The following RPL28 variants were observed in gnomAD, a reference collection of about 807,000 sequenced individuals.
The protein encoded by RPL28 is ribosomal protein L28.
A neutral mutation model predicts 12.5 loss-of-function variants in RPL28; 4 were observed. That is an observed-to-expected ratio of 0.32 (90% confidence interval 0.16 to 0.73). The LOEUF (loss-of-function observed/expected upper bound fraction) is 0.73, where lower values mean the gene tolerates loss of function less well. RPL28 is among the 30% of genes least tolerant of loss of function. The pLI, the probability that RPL28 is intolerant of heterozygous loss-of-function variation, is 0.66. For missense variants in RPL28, 214 were observed against 197.7 expected, an observed-to-expected ratio of 1.08 and a Z score of -0.49; for synonymous variants, 91 against 72.5, an observed-to-expected ratio of 1.26 and a Z score of -1.30.
rs2089958279 is a variant in RPL28 at position 55,388,473 on chromosome 19, G to A, written c.*141G>A. 2.2e-6 allele frequency: 3 copies of A among 1,345,900 alleles called. No individual in the cohort carries two copies. In the South Asian group the frequency reaches 6.2e-5, roughly 28 times the overall value. The allele number at this position is 1,345,900 out of a possible 1,614,324, so 83.4% of individuals were successfully genotyped here. A position where few individuals can be genotyped will look rare whatever the true frequency, so the allele number is the denominator to read the frequency against. On this transcript the variant is annotated 3_prime_UTR_variant, in exon 5 of 5. Transcript: ENST00000344063. ...TCATCAAAACTCTGCATGTCACCTT[G>A]TCCATCTGGAGGTGATGTCAATGGC...
intron 4 of RPL28, among the ~76,000 whole-genome samples, chr19:55,398,723 A>G (rs1183795858): frequency 6.6e-6 from 1 of 151,760 alleles, no homozygotes; most frequent in Non-Finnish European, 1.5e-5. Context: ...GGGTGTTGAG[A>G]CAGAGTCTCA....
intron 4 of RPL28, among the ~76,000 whole-genome samples, chr19:55,401,939 C>A (rs978982966): frequency 3.3e-5 from 5 of 152,176 alleles, no homozygotes; most frequent in Non-Finnish European, 7.3e-5. Flanking sequence ...TCAGAGGCCA[C>A]CTTCATGTGA....
At position 55,391,906 on chromosome 19, in the gene RPL28, A is replaced by G. The variant is rs2089993646; in HGVS notation, c.*3574A>G. 1 of 1,323,456 alleles carries G rather than the reference A, an allele frequency of 7.6e-7. No homozygotes were observed. Among genetic ancestry groups the G allele is most frequent in the East Asian group, 2.9e-5 (1 of 34,286 alleles). 82.0% of individuals were successfully genotyped at this position (1,323,456 alleles called of 1,614,324 possible). Reference sequence around the variant, plus strand: ...ATGTGCAGTAATGCCTGGTGGCTCCAGGTCTGCCCCGCCGTCCTGTGGGGC... The same window carrying G: ...ATGTGCAGTAATGCCTGGTGGCTCCGGGTCTGCCCCGCCGTCCTGTGGGGC... On this transcript the variant is annotated 3_prime_UTR_variant, in exon 5 of 5. Coordinates refer to ENST00000344063, the MANE Select transcript of RPL28 (RefSeq NM_000991.5).
chr19:55,397,414 C>T (rs530114350), intron 4 of RPL28, among the ~76,000 whole-genome samples: 2 of 152,258 alleles, frequency 1.3e-5, no homozygotes, highest in South Asian at 4.1e-4. Context: ...GAGTCTCGCT[C>T]TGTCTCCCAG....
chr19:55,386,992 A>G, intron 3 of RPL28: 2 of 1,442,832 alleles, frequency 1.4e-6, no homozygotes, highest in Non-Finnish European at 1.8e-6. Context: ...TCTCAAAGCA[A>G]GTCAGGGTGG....
At chr19:55,386,107 C>T (rs1020103611) in intron 1 of RPL28, 142 bp downstream of exon 1, 4 of 519,334 alleles carry the variant, frequency 7.7e-6, no homozygotes, top group Non-Finnish European at 1.4e-5. Context: ...TGTGAATTTT[C>T]AAGTTATTTT....
Position 55,388,820 on chromosome 19 carries a change from G to C in RPL28, c.*488G>C, listed in dbSNP as rs1321847793. 1 of 988,552 alleles carries C rather than the reference G, an allele frequency of 1.0e-6. No individual in the cohort carries two copies. Among genetic ancestry groups the C allele is most frequent in the African/African-American group, 1.7e-5 (1 of 57,388 alleles). 61.2% of individuals were successfully genotyped at this position (988,552 alleles called of 1,614,324 possible). On this transcript the variant is annotated 3_prime_UTR_variant, in exon 5 of 5. Transcript: ENST00000344063. The stretch of plus-strand genomic sequence containing the variant: ...CTTTTGCATCCAGGGAGTGGGTGCA[G>C]CCACATTTGGAGGGGATGGGCTTTA...
In RPL28 at chr19:55,402,314, C is replaced by G. The variant is rs1209140731; in HGVS notation, c.325-629C>G. 2.0e-5 allele frequency among the ~76,000 whole-genome samples: 3 copies of G among 152,216 alleles called. No individual in the cohort carries two copies. In the East Asian group the frequency reaches 5.8e-4, roughly 29 times the overall value. On this transcript the variant is annotated intron_variant, in intron 4 of 4. Transcript: ENST00000560055. ...TGACCTCTGTCTTTTATCAGACATC[C>G]GAAGTTCACAGCCTAAGACTCTAGC...
intron 4 of RPL28, among the ~76,000 whole-genome samples, chr19:55,398,499 T>C (rs1299290533): frequency 6.6e-6 from 1 of 152,218 alleles, no homozygotes; most frequent in East Asian, 1.9e-4. Flanking sequence ...ATTGTTGTTT[T>C]TCTAGGAGTA....
At chr19:55,386,307 G>C (rs1361015815) in intron 1 of RPL28, 43 bp from the exon 2 acceptor site, 1 of 1,591,388 alleles carries the variant, frequency 6.3e-7, no homozygotes, top group African/African-American at 1.3e-5. Context: ...CGCTGCTTTA[G>C]TTCTCTGTGT....
In RPL28 at chr19:55,388,394, C is replaced by CT; in HGVS notation, c.*67dup. The CT allele has an allele frequency of 7.0e-7, 1 of 1,428,826 alleles. No individual in the cohort carries two copies. Among genetic ancestry groups the CT allele is most frequent in the East Asian group, 2.7e-5 (1 of 37,352 alleles). The allele number at this position is 1,428,826 out of a possible 1,614,324, so 88.5% of individuals were successfully genotyped here. ...TCTCACCTGCCTCGACTGGGCCTCCCTTTTTGAAACGCTCTGGGGAGCTCT... is the reference window on the plus strand; with the variant it reads ...TCTCACCTGCCTCGACTGGGCCTCCCTTTTTTGAAACGCTCTGGGGAGCTCT... On this transcript the variant is annotated 3_prime_UTR_variant, in exon 5 of 5. Transcript: ENST00000344063.
At chr19:55,396,477 T>TCC (rs112754863), downstream of RPL28, among the ~76,000 whole-genome samples, 2 of 12,878 alleles carry the variant, frequency 1.6e-4, no homozygotes, top group African/African-American at 4.9e-4. Flanking sequence ...AGGAAAGTTC[T>TCC]CCCCCCTCCC....
Position 55,386,626 on chromosome 19 carries a change from C to G in RPL28, c.138C>G (p.Arg46=), listed in dbSNP as rs2089929818. The change falls in exon 3 of 5, where the codon CGC becomes CGG. Residue 46 remains arginine (R), a synonymous_variant. Transcript: ENST00000344063. ...TCCGCTACAACGGACTGATTCACCGCAAGACTGTGGGCGTGGAGCCGGCAG... is the reference window on the plus strand; with the variant it reads ...TCCGCTACAACGGACTGATTCACCGGAAGACTGTGGGCGTGGAGCCGGCAG... ...NSFRYNGLIH[R]KTVGVEPAAD... The G allele has an allele frequency of 6.2e-7, 1 of 1,614,018 alleles. No individual in the cohort carries two copies. Among genetic ancestry groups the G allele is most frequent in the African/African-American group, 1.3e-5 (1 of 74,948 alleles).
Position 55,391,723 on chromosome 19 carries a change from G to A in RPL28, c.*3391G>A. The A allele has an allele frequency of 6.6e-7, 1 of 1,516,698 alleles. No homozygotes were observed. The highest frequency in any genetic ancestry group is 8.9e-7 in the Non-Finnish European group (1 of 1,120,082). The allele number at this position is 1,516,698 out of a possible 1,614,324, so 94.0% of individuals were successfully genotyped here. On this transcript the variant is annotated 3_prime_UTR_variant, in exon 5 of 5. Coordinates refer to ENST00000344063, the MANE Select transcript of RPL28 (RefSeq NM_000991.5). ...TTAAATGTGCAAAACCTGCTTGACTGTGCCCACAAATCCTGATTGTAGGAA... is the reference window on the plus strand; with the variant it reads ...TTAAATGTGCAAAACCTGCTTGACTATGCCCACAAATCCTGATTGTAGGAA...
At position 55,388,400 on chromosome 19, in the gene RPL28, G is replaced by A; in HGVS notation, c.*68G>A. On this transcript the variant is annotated 3_prime_UTR_variant, in exon 5 of 5. Coordinates refer to ENST00000344063, the MANE Select transcript of RPL28 (RefSeq NM_000991.5). ...CTGCCTCGACTGGGCCTCCCTTTTT[G>A]AAACGCTCTGGGGAGCTCTGGCCCT... The A allele has an allele frequency of 7.0e-7, 1 of 1,429,196 alleles. No homozygotes were observed. Among genetic ancestry groups the A allele is most frequent in the Non-Finnish European group, 9.2e-7 (1 of 1,088,066 alleles). 88.5% of individuals were successfully genotyped at this position (1,429,196 alleles called of 1,614,324 possible). A position where few individuals can be genotyped will look rare whatever the true frequency, so the allele number is the denominator to read the frequency against.
Position 55,389,814 on chromosome 19 carries a change from G to T in RPL28, c.*1482G>T, listed in dbSNP as rs2089972807. 1.0e-6 allele frequency: 1 copy of T among 984,598 alleles called. No individual in the cohort carries two copies. The highest frequency in any genetic ancestry group is 4.7e-5 in the South Asian group (1 of 21,258). 61.0% of individuals were successfully genotyped at this position (984,598 alleles called of 1,614,324 possible). On this transcript the variant is annotated 3_prime_UTR_variant, in exon 5 of 5. Transcript: ENST00000344063. ...GTTGGGTGACTTGGTACCTGCTCAG[G>T]ACCCCCCGCACTGTCCCAATCCCAC...
chr19:55,386,192 G>T (rs2123272062), intron 1 of RPL28, 158 bp from the exon 2 acceptor site: 2 of 664,578 alleles, frequency 3.0e-6, no homozygotes, highest in South Asian at 1.8e-5. Context: ...ACTCAGTCCC[G>T]CCTGACAAGA....
chr19:55,388,542 G>T lies in RPL28; in HGVS notation c.*210G>T, dbSNP rs2089958977. On this transcript the variant is annotated 3_prime_UTR_variant, in exon 5 of 5. Coordinates refer to ENST00000344063, the MANE Select transcript of RPL28 (RefSeq NM_000991.5). ...GGGGTAGCTGCCTTGTCCCTGGTGA[G>T]GGCAAGGGTCACTGTCTTCACAGAA... The T allele has an allele frequency of 2.4e-6, 3 of 1,273,622 alleles. No individual in the cohort carries two copies. Among genetic ancestry groups the T allele is most frequent in the South Asian group, 3.0e-5 (1 of 33,570 alleles). The allele number at this position is 1,273,622 out of a possible 1,614,324, so 78.9% of individuals were successfully genotyped here.
At chr19:55,395,722 C>T (rs751838741), downstream of RPL28, among the ~76,000 whole-genome samples, 5 of 152,010 alleles carry the variant, frequency 3.3e-5, no homozygotes, top group African/African-American at 4.8e-5. Flanking sequence ...GGATTACAGG[C>T]ATGAGCCACC....
Sources: gnomAD v4.1 joint callset for allele counts (sites outside exome capture counted in the v4.1 genomes callset) on GRCh38, gnomAD v4.1.1 for gene constraint, MANE v1.5 for transcripts, NCBI Gene and HGNC (gene_info 2026-07-23, HGNC 2026-07-21) for gene names.